The following CCDC146 variants were observed in gnomAD, a reference collection of about 807,000 sequenced individuals.
CCDC146 encodes coiled-coil domain-containing protein 146.
In CCDC146, 92 loss-of-function variants were observed where a neutral mutation model predicts 119.3. That is an observed-to-expected ratio of 0.77 (90% CI 0.65 to 0.92). The LOEUF is 0.92. CCDC146 is among the 40% of genes least tolerant of loss of function. The probability of loss-of-function intolerance (pLI) is 0.00; values close to 1 mark genes in which losing one functional copy is unlikely to be tolerated. For missense variants in CCDC146, 1,000 were observed against 1,103.0 expected (o/e 0.91, Z 1.32); for synonymous variants, 372 against 371.8 (o/e 1.00, Z -0.01).
chr7:77,222,716 A>C (rs1792428018), intron 2 of CCDC146, among the ~76,000 whole-genome samples: 1 of 152,176 alleles, frequency 6.6e-6, no homozygotes, highest in Admixed American at 6.5e-5. Context: ...TTCTTCATAC[A>C]TGTGTAGCCC....
At chr7:77,264,514 C>T (rs1229754356) in intron 9 of CCDC146, among the ~76,000 whole-genome samples, 1 of 152,230 alleles carries the variant, frequency 6.6e-6, no homozygotes, top group Non-Finnish European at 1.5e-5. Context: ...CTGCCTCGGC[C>T]TCCCCAAAGT....
chr7:77,191,766 T>C (rs1182728970), intron 2 of CCDC146, among the ~76,000 whole-genome samples: 1 of 151,774 alleles, frequency 6.6e-6, no homozygotes, highest in Non-Finnish European at 1.5e-5. Flanking sequence ...ACAAATTAGC[T>C]GGGTGTGGTG....
intron 1 of CCDC146, among the ~76,000 whole-genome samples, chr7:77,161,343 T>C (rs1219292454): frequency 6.6e-6 from 1 of 151,994 alleles, no homozygotes; most frequent in African/African-American, 2.4e-5. Flanking sequence ...CACACGTATG[T>C]TTATTGTGGC....
At chr7:77,219,746 G>A (rs954034113) in intron 2 of CCDC146, among the ~76,000 whole-genome samples, 1 of 152,186 alleles carries the variant, frequency 6.6e-6, no homozygotes, top group Admixed American at 6.5e-5. Flanking sequence ...AAATTTTACA[G>A]TTGGGTCTCC....
intron 2 of CCDC146, among the ~76,000 whole-genome samples, chr7:77,176,846 A>T (rs1325388192): frequency 1.3e-5 from 2 of 151,768 alleles, no homozygotes; most frequent in Non-Finnish European, 2.9e-5. Flanking sequence ...TTTTAAATAA[A>T]TTTTTTTGAT....
chr7:77,271,401 C>T (rs1793510742), intron 9 of CCDC146, among the ~76,000 whole-genome samples: 2 of 150,854 alleles, frequency 1.3e-5, no homozygotes, highest in Admixed American at 1.3e-4. Flanking sequence ...GGCTTTCCTT[C>T]CTCCTCAGCT....
intron 9 of CCDC146, 57 bp downstream of exon 9, chr7:77,262,364 A>G (rs1301335800): frequency 3.6e-6 from 5 of 1,396,050 alleles, no homozygotes; most frequent in Non-Finnish European, 4.8e-6. Flanking sequence ...TTTGAAGTAA[A>G]AATATTTTAG....
At chr7:77,228,317 A>C (rs1280321914) in intron 2 of CCDC146, among the ~76,000 whole-genome samples, 1 of 151,504 alleles carries the variant, frequency 6.6e-6, no homozygotes, top group Non-Finnish European at 1.5e-5. Context: ...CCTCCCTTCC[A>C]CCCTCTGACA....
chr7:77,144,023 C>T (rs572696805), intron 1 of CCDC146, among the ~76,000 whole-genome samples: 57 of 151,790 alleles, frequency 3.8e-4, no homozygotes, highest in Admixed American at 1.0e-3. Flanking sequence ...GCCATTTTCA[C>T]GATATTAATT....
In CCDC146 at chr7:77,286,786, T is replaced by G; in HGVS notation, c.2149-12T>G. On this transcript the variant is annotated splice_polypyrimidine_tract_variant and intron_variant, in intron 15 of 18. Transcript: ENST00000285871. Reference sequence around the variant, plus strand: ...AGCGTTCATTTTAAAGTTAATGTTTTTTTCTTAATAGTTTTCACAGTGTAC... The same window carrying G: ...AGCGTTCATTTTAAAGTTAATGTTTGTTTCTTAATAGTTTTCACAGTGTAC... 2 of 1,611,620 alleles carry G rather than the reference T, an allele frequency of 1.2e-6. No individual in the cohort carries two copies. The highest frequency in any genetic ancestry group is 1.7e-6 in the Non-Finnish European group (2 of 1,178,932).
intron 2 of CCDC146, among the ~76,000 whole-genome samples, chr7:77,170,679 G>A (rs1366800881): frequency 1.3e-5 from 2 of 152,164 alleles, no homozygotes; most frequent in Non-Finnish European, 1.5e-5. Flanking sequence ...AGAAAGGTCT[G>A]ATATCTGGAA....
intron 2 of CCDC146, among the ~76,000 whole-genome samples, chr7:77,228,910 G>A (rs899745984): frequency 6.6e-6 from 1 of 152,210 alleles, no homozygotes; most frequent in African/African-American, 2.4e-5. Flanking sequence ...TGTGTGCCAT[G>A]GTGGTTTGCT....
chr7:77,186,685 T>G (rs1020545726), intron 2 of CCDC146, among the ~76,000 whole-genome samples: 1 of 152,124 alleles, frequency 6.6e-6, no homozygotes, highest in Non-Finnish European at 1.5e-5. Context: ...TATAAACACT[T>G]CATCTGAATT....
Position 77,196,909 on chromosome 7 carries a change from T to G in CCDC146, c.156+29085T>G, listed in dbSNP as rs1466512673. 1.9e-6 allele frequency: 3 copies of G among 1,613,802 alleles called. No homozygotes were observed. The highest frequency in any genetic ancestry group is 2.5e-6 in the Non-Finnish European group (3 of 1,179,924). On this transcript the variant is annotated intron_variant, in intron 2 of 18. Transcript: ENST00000285871. This position sits in a 1 kb window ranked among gnomAD's most constrained non-coding sequence, Gnocchi z 4.2. ...CAAAGCTACTATTTTTGGGATCAGG[T>G]GTAACTCTGTAGGTCTCACTGCTTC...
chr7:77,214,202 A>G (rs1262848864), intron 2 of CCDC146, among the ~76,000 whole-genome samples: 1 of 151,974 alleles, frequency 6.6e-6, no homozygotes, highest in African/African-American at 2.4e-5. Context: ...ATTTGCATTT[A>G]TCTGATGATG....
chr7:77,169,064 T>C (rs1791380027), intron 2 of CCDC146, among the ~76,000 whole-genome samples: 1 of 152,186 alleles, frequency 6.6e-6, no homozygotes, highest in African/African-American at 2.4e-5. Context: ...CATTCAGTAG[T>C]CATCTCTTTA....
intron 2 of CCDC146, among the ~76,000 whole-genome samples, chr7:77,205,700 G>A (rs549829845): frequency 6.6e-5 from 10 of 152,344 alleles, no homozygotes; most frequent in African/African-American, 1.4e-4. Flanking sequence ...CAGAGGTTGC[G>A]TGAGCTAAGA....
At chr7:77,258,512 C>T (rs1282120201) in intron 6 of CCDC146, among the ~76,000 whole-genome samples, 1 of 152,098 alleles carries the variant, frequency 6.6e-6, no homozygotes, top group African/African-American at 2.4e-5. Flanking sequence ...ATTTATTGTA[C>T]AGTATTCAAT....
chr7:77,204,458 A>C (rs113779840), intron 2 of CCDC146, among the ~76,000 whole-genome samples: 8 of 152,224 alleles, frequency 5.3e-5, no homozygotes, highest in African/African-American at 1.9e-4. Flanking sequence ...AGAGATTCAG[A>C]CTAGAAGTCT....
Sources: allele counts gnomAD v4.1 joint callset (sites outside exome capture counted in the v4.1 genomes callset), GRCh38; gene constraint gnomAD v4.1.1; non-coding constraint Gnocchi (gnomAD v3.1); transcripts MANE v1.5; gene names NCBI Gene and HGNC (gene_info 2026-07-23, HGNC 2026-07-21).